Variants in LRBA observed in about 807,000 individuals in gnomAD.
LRBA encodes the protein LPS responsive beige-like anchor protein, also known as lipopolysaccharide-responsive and beige-like anchor protein.
Under a neutral mutation model 330.0 loss-of-function variants are expected in LRBA, and 176 were observed. That is an observed-to-expected ratio of 0.53 (90% CI 0.47 to 0.60). LRBA has a LOEUF of 0.60. LRBA is among the 20% of genes least tolerant of loss of function. The pLI is 0.00. For synonymous variants in LRBA, 1,230 were observed against 1,193.0 expected (o/e 1.03, Z -0.64); for missense variants, 3,259 against 3,444.8 (o/e 0.95, Z 1.35).
chr4:150,661,485 A>AAG (rs1561487793), intron 37 of LRBA, among the ~76,000 whole-genome samples: 1 of 151,616 alleles, frequency 6.6e-6, no homozygotes, highest in African/African-American at 2.4e-5. Flanking sequence ...AAAAAAAAAA[A>AAG]AAGAAGAAAG....
intron 47 of LRBA, among the ~76,000 whole-genome samples, chr4:150,409,251 T>G (rs552394427): frequency 6.6e-6 from 1 of 152,154 alleles, no homozygotes; most frequent in African/African-American, 2.4e-5. Context: ...CGTACAGCAT[T>G]TAGGAGAAAT....
chr4:150,559,894 A>ATATATAG (rs1561352608), intron 40 of LRBA, among the ~76,000 whole-genome samples: 1 of 48,258 alleles, frequency 2.1e-5, no homozygotes, highest in African/African-American at 8.2e-5. Flanking sequence ...ATTATATATA[A>ATATATAG]TTATATATAA....
chr4:150,795,684 T>C (rs1201110737), intron 34 of LRBA, among the ~76,000 whole-genome samples: 2 of 151,974 alleles, frequency 1.3e-5, no homozygotes, highest in Admixed American at 1.3e-4. Flanking sequence ...AACTATTATA[T>C]ATAGCCTAAT....
chr4:150,946,094 A>T (rs1402320192), intron 2 of LRBA, among the ~76,000 whole-genome samples: 1 of 152,206 alleles, frequency 6.6e-6, no homozygotes, highest in Non-Finnish European at 1.5e-5. Context: ...CACCATGCCC[A>T]GCCGGCATAT....
rs1357388938 is a variant in LRBA at position 150,359,843 on chromosome 4, G to A, written c.7195-9684C>T. On this transcript the variant is annotated intron_variant, in intron 47 of 56. Transcript: ENST00000651943. ...AAAATACAAAAAATTAGCTGGGCGT[G>A]GTGGCGCGCATCTGTAATCCCAGCT... 1.1e-4 allele frequency among the ~76,000 whole-genome samples: 16 copies of A among 151,968 alleles called. No individual in the cohort carries two copies. In the East Asian group the frequency reaches 3.0e-3, roughly 28 times the overall value.
chr4:150,797,138 T>C (rs950489600), intron 34 of LRBA, among the ~76,000 whole-genome samples: 2 of 151,962 alleles, frequency 1.3e-5, no homozygotes, highest in Non-Finnish European at 2.9e-5. Flanking sequence ...CCTTCTATGA[T>C]TCTTTAATTT....
At chr4:150,906,139 GA>G in intron 12 of LRBA, 149 bp from the exon 13 acceptor site, 3 of 816,298 alleles carry the variant, frequency 3.7e-6, no homozygotes, top group East Asian at 5.0e-5. Flanking sequence ...TTTGATAGAG[GA>G]ATGGAGGCAA....
intron 33 of LRBA, among the ~76,000 whole-genome samples, chr4:150,799,189 G>T (rs568157637): frequency 2.6e-5 from 4 of 152,206 alleles, no homozygotes; most frequent in Admixed American, 6.5e-5. Context: ...TTTAAAAAAT[G>T]TTAGAACCAT....
At chr4:150,547,173 A>C (rs1026552938) in intron 40 of LRBA, among the ~76,000 whole-genome samples, 4 of 152,158 alleles carry the variant, frequency 2.6e-5, no homozygotes, top group African/African-American at 9.7e-5. Context: ...TACACACTTA[A>C]AATGAAATCT....
chr4:150,478,037 T>C (rs1756908018), intron 42 of LRBA, among the ~76,000 whole-genome samples: 1 of 152,180 alleles, frequency 6.6e-6, no homozygotes, highest in African/African-American at 2.4e-5. Context: ...GTTGTTGTTT[T>C]TGGGAGGGCA....
At chr4:150,733,308 T>A (rs780256809) in intron 36 of LRBA, among the ~76,000 whole-genome samples, 1 of 152,094 alleles carries the variant, frequency 6.6e-6, no homozygotes, top group Non-Finnish European at 1.5e-5. Context: ...CTGATTTTGA[T>A]AACTGTACCA....
At chr4:150,302,557 A>C in intron 53 of LRBA, 68 bp downstream of exon 53, 1 of 1,081,950 alleles carries the variant, frequency 9.2e-7, no homozygotes. Context: ...ACAAAAAGGT[A>C]ACTTTACTGC....
intron 50 of LRBA, 152 bp from the exon 51 acceptor site, chr4:150,315,775 T>G: frequency 1.7e-6 from 1 of 588,376 alleles, no homozygotes; most frequent in East Asian, 3.0e-5. Context: ...ATCCAGGTGC[T>G]TTTATGGCTA....
chr4:150,312,281 T>A (rs780671504), intron 51 of LRBA, among the ~76,000 whole-genome samples: 1 of 152,102 alleles, frequency 6.6e-6, no homozygotes, highest in Non-Finnish European at 1.5e-5. Flanking sequence ...AGATAAGCAG[T>A]CTTCAAACTA....
chr4:150,991,099 A>C (rs921812301), intron 2 of LRBA, among the ~76,000 whole-genome samples: 1 of 151,612 alleles, frequency 6.6e-6, no homozygotes, highest in Non-Finnish European at 1.5e-5. Context: ...GAGGAGGAAG[A>C]GGAGGATGAA....
chr4:150,372,050 A>G (rs879281788), intron 47 of LRBA, among the ~76,000 whole-genome samples: 11 of 152,146 alleles, frequency 7.2e-5, no homozygotes, highest in Non-Finnish European at 1.3e-4. Context: ...TTAATAAGCC[A>G]TGTGATTCAA....
intron 26 of LRBA, among the ~76,000 whole-genome samples, chr4:150,846,043 C>T (rs528940601): frequency 6.6e-6 from 1 of 152,148 alleles, no homozygotes; most frequent in South Asian, 2.1e-4. Context: ...AACTGTGGTA[C>T]ATATACGCAA....
At chr4:150,296,416 T>C (rs941905502) in intron 53 of LRBA, among the ~76,000 whole-genome samples, 6 of 152,044 alleles carry the variant, frequency 3.9e-5, no homozygotes, top group Admixed American at 2.6e-4. Flanking sequence ...ACACTTCAAA[T>C]CCAAAATCTG....
At chr4:150,498,675 G>C (rs1037027231) in intron 40 of LRBA, among the ~76,000 whole-genome samples, 5 of 152,038 alleles carry the variant, frequency 3.3e-5, no homozygotes, top group Non-Finnish European at 7.4e-5. Flanking sequence ...AATTAAAATA[G>C]ATATTTAGCT....
Sources: allele counts gnomAD v4.1 joint callset (sites outside exome capture counted in the v4.1 genomes callset), GRCh38; gene constraint gnomAD v4.1.1; transcripts MANE v1.5; gene names NCBI Gene and HGNC (gene_info 2026-07-23, HGNC 2026-07-21).